SYNE3: variants seen among roughly 807,000 people sequenced by gnomAD.
SYNE3 encodes spectrin repeat containing nuclear envelope family member 3, also known as nesprin-3.
SYNE3 carries 100 observed loss-of-function variants against 111.2 expected under a neutral mutation model. That is an observed-to-expected ratio of 0.90 (90% CI 0.77 to 1.06). The LOEUF is 1.06. Ranked by LOEUF, SYNE3 falls within the 50% of genes least tolerant of loss-of-function variation. The pLI is 0.00. For missense variants in SYNE3, 1,160 were observed against 1,240.3 expected (o/e 0.94, Z 0.97); for synonymous variants, 547 against 533.9 (o/e 1.02, Z -0.34).
chr14:95,513,737 T>TATATATA (rs1480614847), intron 1 of SYNE3, among the ~76,000 whole-genome samples: 116 of 92,500 alleles, frequency 1.3e-3, no homozygotes, highest in African/African-American at 5.0e-3. Context: ...GCTGCTTAGA[T>TATATATA]TATATATATA....
At chr14:95,453,834 G>A (rs1408546883) in intron 6 of SYNE3, among the ~76,000 whole-genome samples, 1 of 152,246 alleles carries the variant, frequency 6.6e-6, no homozygotes, top group African/African-American at 2.4e-5. Context: ...TCCTGGGAAG[G>A]ACGCTGCCCC....
Position 95,487,600 on chromosome 14 carries a change from G to A in SYNE3, c.-14-11765C>T, listed in dbSNP as rs114528024. Among the ~76,000 whole-genome samples the A allele has an allele frequency of 5.4e-3, 822 of 152,208 alleles. 11 individuals are homozygous for A. Among genetic ancestry groups the A allele is most frequent in the African/African-American group, 0.019 (780 of 41,522 alleles). The stretch of plus-strand genomic sequence containing the variant: ...ACACTTCACATATTTCAGCTGCACA[G>A]TTTGATAAGTTTTAGATATACACCT... On this transcript the variant is annotated intron_variant, in intron 1 of 17. Transcript: ENST00000682763.
At chr14:95,455,350 C>T in intron 6 of SYNE3, 27 bp downstream of exon 6, 1 of 1,503,140 alleles carries the variant, frequency 6.7e-7, no homozygotes, top group Non-Finnish European at 8.9e-7. Context: ...GCACCCTGGG[C>T]TCCATGACTC....
intron 17 of SYNE3, among the ~76,000 whole-genome samples, chr14:95,428,567 A>T (rs1265261130): frequency 1.3e-5 from 2 of 152,210 alleles, no homozygotes; most frequent in African/African-American, 4.8e-5. Flanking sequence ...TCTGCAAACT[A>T]GCACTGCCCT....
intron 1 of SYNE3, among the ~76,000 whole-genome samples, chr14:95,508,588 C>T (rs1890610713): frequency 6.6e-6 from 1 of 152,224 alleles, no homozygotes; most frequent in Admixed American, 6.5e-5. Flanking sequence ...CCCTCTGAGG[C>T]CGTGACTGTG....
At chr14:95,515,016 G>A (rs536703802) in intron 1 of SYNE3, among the ~76,000 whole-genome samples, 1 of 152,372 alleles carries the variant, frequency 6.6e-6, no homozygotes, top group African/African-American at 2.4e-5. Flanking sequence ...ACTCTGAAGT[G>A]TACCTGCAGG....
intron 1 of SYNE3, among the ~76,000 whole-genome samples, chr14:95,495,740 A>G (rs551873925): frequency 1.3e-5 from 2 of 152,348 alleles, no homozygotes; most frequent in South Asian, 4.1e-4. Flanking sequence ...TCAGGAAGGC[A>G]AGGGAGGAGG....
chr14:95,464,628 C>T (rs966710861), intron 4 of SYNE3, among the ~76,000 whole-genome samples: 1 of 152,182 alleles, frequency 6.6e-6, no homozygotes, highest in African/African-American at 2.4e-5. Context: ...CTGGGAACCC[C>T]CAAGCCAATT....
rs115406149 is a variant in SYNE3 at position 95,501,058 on chromosome 14, C to T, written c.-15+15538G>A. Among the ~76,000 whole-genome samples the T allele has an allele frequency of 3.8e-3, 579 of 152,344 alleles. 3 individuals are homozygous for T. Among genetic ancestry groups the T allele is most frequent in the African/African-American group, 0.013 (554 of 41,574 alleles). ...AATGCCACTGTGCCCAAGTTGACTA[C>T]GCTACGACCCAGGGGACAATGCATG... On this transcript the variant is annotated intron_variant, in intron 1 of 17. Transcript: ENST00000682763.
chr14:95,468,545 G>A (rs1888334064), intron 2 of SYNE3, among the ~76,000 whole-genome samples: 1 of 151,988 alleles, frequency 6.6e-6, no homozygotes, highest in South Asian at 2.1e-4. Flanking sequence ...CTCCCTTCCT[G>A]GGAGATGCTG....
In SYNE3 at chr14:95,416,844, T is replaced by C. The variant is rs905398246; in HGVS notation, c.*982A>G. The stretch of plus-strand genomic sequence containing the variant: ...TTCCCTTCTCACCTGCAGCTCGAGC[T>C]CTCGACGATGAAAACTCAGTCCAGG... On this transcript the variant is annotated 3_prime_UTR_variant, in exon 18 of 18. Transcript: ENST00000682763. 2 of 152,312 alleles carry C rather than the reference T, an allele frequency of 1.3e-5. No individual in the cohort carries two copies. Among genetic ancestry groups the C allele is most frequent in the Non-Finnish European group, 2.9e-5 (2 of 68,102 alleles). 9.4% of individuals were successfully genotyped at this position (152,312 alleles called of 1,614,324 possible).
intron 17 of SYNE3, among the ~76,000 whole-genome samples, chr14:95,429,690 G>T (rs1481298754): frequency 6.6e-6 from 1 of 152,150 alleles, no homozygotes; most frequent in Non-Finnish European, 1.5e-5. Context: ...CAAGTAAGCA[G>T]ATTCTTTAGT....
At chr14:95,441,965 G>A (rs563431932) in intron 11 of SYNE3, among the ~76,000 whole-genome samples, 32 of 152,204 alleles carry the variant, frequency 2.1e-4, no homozygotes, top group Non-Finnish European at 4.0e-4. Flanking sequence ...CATCCCACAC[G>A]ATTTTCTCAT....
chr14:95,485,363 G>T lies in SYNE3; in HGVS notation c.-14-9528C>A, dbSNP rs894760156. ...GCTGGCCCCCTCCCCACATTCCAAT[G>T]GGCTTCACTTCACACAGCTTCCCTG... On this transcript the variant is annotated intron_variant, in intron 1 of 17. Coordinates refer to ENST00000682763, the MANE Select transcript of SYNE3 (RefSeq NM_152592.6). The surrounding 1 kb of genome is among the most constrained non-coding windows in gnomAD (Gnocchi z 4.3). 6.6e-6 allele frequency among the ~76,000 whole-genome samples: 1 copy of T among 152,108 alleles called. No homozygotes were observed. The highest frequency in any genetic ancestry group is 1.5e-5 in the Non-Finnish European group (1 of 68,018).
intron 1 of SYNE3, among the ~76,000 whole-genome samples, chr14:95,514,720 G>A (rs1459397281): frequency 6.6e-6 from 1 of 152,246 alleles, no homozygotes; most frequent in Non-Finnish European, 1.5e-5. Flanking sequence ...ACTGGACTCA[G>A]GCAATCCAAC....
At chr14:95,433,194 A>G in intron 16 of SYNE3, 66 bp downstream of exon 16, 3 of 1,570,864 alleles carry the variant, frequency 1.9e-6, no homozygotes, top group Non-Finnish European at 2.6e-6. Context: ...CTGTATCCCC[A>G]GGCAAATACG....
rs1566958953 is a variant in SYNE3 at position 95,432,215 on chromosome 14, G to A, written c.2689-98C>T. 5.0e-6 allele frequency: 7 copies of A among 1,397,178 alleles called. No homozygotes were observed. The African/African-American group carries it at 5.7e-5, about 11-fold the overall frequency. The allele number at this position is 1,397,178 out of a possible 1,614,324, so 86.5% of individuals were successfully genotyped here. The stretch of plus-strand genomic sequence containing the variant: ...GAGCCTGTAATGGAATATTCGTTTT[G>A]TCAGGGGAGTGTTTCTTTAAAACTT... On this transcript the variant is annotated intron_variant, in intron 16 of 17. Transcript: ENST00000682763.
intron 2 of SYNE3, among the ~76,000 whole-genome samples, chr14:95,474,349 C>T (rs1053062320): frequency 2.6e-5 from 4 of 152,214 alleles, no homozygotes; most frequent in Non-Finnish European, 5.9e-5. Context: ...CATGCTTGTG[C>T]AGTTGCCCTG....
intron 1 of SYNE3, among the ~76,000 whole-genome samples, chr14:95,513,737 T>TTATATATATATATATATATATA (rs59944497): frequency 1.5e-4 from 14 of 92,496 alleles, no homozygotes; most frequent in African/African-American, 1.9e-4. Context: ...GCTGCTTAGA[T>TTATATATATATATATATATATA]TATATATATA....
Sources: allele counts gnomAD v4.1 joint callset (sites outside exome capture counted in the v4.1 genomes callset), GRCh38; gene constraint gnomAD v4.1.1; non-coding constraint Gnocchi (gnomAD v3.1); transcripts MANE v1.5; gene names NCBI Gene and HGNC (gene_info 2026-07-23, HGNC 2026-07-21).